Variants in CSMD1 observed in about 807,000 individuals in gnomAD.
CSMD1 encodes CUB and Sushi multiple domains 1.
A neutral mutation model predicts 417.5 loss-of-function variants in CSMD1; 213 were observed. That is an observed-to-expected ratio of 0.51 (90% CI 0.46 to 0.57). The LOEUF is 0.57. Among genes scored for constraint, CSMD1 ranks in the 20% least tolerant of loss-of-function variants. The pLI, the probability that CSMD1 is intolerant of heterozygous loss-of-function variation, is 0.00. For synonymous variants in CSMD1, 2,862 were observed against 1,736.8 expected, an observed-to-expected ratio of 1.65 and a Z score of -16.11; for missense variants, 6,923 against 4,529.7, an observed-to-expected ratio of 1.53 and a Z score of -15.17.
intron 3 of CSMD1, among the ~76,000 whole-genome samples, chr8:4,407,939 A>T (rs1034482062): frequency 6.6e-6 from 1 of 152,164 alleles, no homozygotes; most frequent in African/African-American, 2.4e-5. Flanking sequence ...TTATTCCTGC[A>T]CAAAATCTCC....
chr8:4,137,317 A>G (rs6998216), intron 3 of CSMD1, among the ~76,000 whole-genome samples: 4,016 of 152,308 alleles, frequency 0.026, 183 homozygotes, highest in African/African-American at 0.09. Flanking sequence ...AGTGGCACTC[A>G]GGCTAACCTT....
At chr8:4,386,012 CT>C (rs143575697) in intron 3 of CSMD1, among the ~76,000 whole-genome samples, 2 of 152,136 alleles carry the variant, frequency 1.3e-5, no homozygotes, top group South Asian at 4.2e-4. Context: ...TTAACTTTCC[CT>C]TTTTTTATCA....
At chr8:4,124,878 G>T (rs1036431437) in intron 3 of CSMD1, among the ~76,000 whole-genome samples, 1 of 152,100 alleles carries the variant, frequency 6.6e-6, no homozygotes, top group Admixed American at 6.5e-5. Context: ...ACAGAAAAAG[G>T]AAAAGCGGAG....
At chr8:4,578,370 G>A (rs1194390124) in intron 2 of CSMD1, among the ~76,000 whole-genome samples, 1 of 99,664 alleles carries the variant, frequency 1.0e-5, no homozygotes, top group Non-Finnish European at 1.9e-5. Context: ...TAGGACAGAC[G>A]GGGTTTCACC....
intron 3 of CSMD1, among the ~76,000 whole-genome samples, chr8:4,032,304 A>G (rs1014112140): frequency 1.3e-5 from 2 of 152,228 alleles, no homozygotes; most frequent in East Asian, 3.8e-4. Flanking sequence ...TATAAACATC[A>G]TAAAGTGTAA....
At chr8:4,297,642 C>G (rs1585182156) in intron 3 of CSMD1, among the ~76,000 whole-genome samples, 1 of 152,090 alleles carries the variant, frequency 6.6e-6, no homozygotes, top group Non-Finnish European at 1.5e-5. Context: ...TTCAAAAGTT[C>G]ACACTAGGGT....
At chr8:3,361,304 C>T (rs940748644) in intron 20 of CSMD1, among the ~76,000 whole-genome samples, 1 of 151,978 alleles carries the variant, frequency 6.6e-6, no homozygotes, top group East Asian at 1.9e-4. Flanking sequence ...GCACTCAATT[C>T]AAGCCATACA....
At chr8:4,312,960 A>C (rs1798713738) in intron 3 of CSMD1, among the ~76,000 whole-genome samples, 2 of 152,184 alleles carry the variant, frequency 1.3e-5, no homozygotes, top group African/African-American at 4.8e-5. Flanking sequence ...AAGAGCCCAT[A>C]ATTTGACCTG....
chr8:4,176,287 C>T (rs899240096), intron 3 of CSMD1, among the ~76,000 whole-genome samples: 1 of 152,054 alleles, frequency 6.6e-6, no homozygotes, highest in Non-Finnish European at 1.5e-5. Context: ...GAACAAAATT[C>T]TATAGCAAGT....
chr8:3,463,669 C>T (rs1816642315), intron 12 of CSMD1, among the ~76,000 whole-genome samples: 2 of 152,206 alleles, frequency 1.3e-5, no homozygotes. Context: ...CACTTGGACG[C>T]TGTTCAATGT....
intron 3 of CSMD1, among the ~76,000 whole-genome samples, chr8:4,252,519 A>T (rs528414860): frequency 2.0e-4 from 30 of 152,326 alleles, no homozygotes; most frequent in Admixed American, 1.2e-3. Flanking sequence ...CTGTTTCCTC[A>T]AACACCATAA....
intron 1 of CSMD1, among the ~76,000 whole-genome samples, chr8:4,847,657 G>T (rs910421825): frequency 6.6e-6 from 1 of 151,748 alleles, no homozygotes; most frequent in Non-Finnish European, 1.5e-5. Flanking sequence ...TTTAGACATG[G>T]TTTCTCCTTA....
intron 3 of CSMD1, among the ~76,000 whole-genome samples, chr8:4,121,172 T>C (rs1449679760): frequency 2.0e-5 from 3 of 152,212 alleles, no homozygotes; most frequent in Admixed American, 2.0e-4. Context: ...TGGAGTGCAA[T>C]GGCACGATCT....
chr8:4,091,344 A>G lies in CSMD1; in HGVS notation c.416-59245T>C, dbSNP rs181811295. ...TTGTTGTAGTTAGAATGATTCCATC[A>G]TTGAATTTGAAATGTCCATGGAAGA... On this transcript the variant is annotated intron_variant, in intron 3 of 69. Coordinates refer to ENST00000635120, the MANE Select transcript of CSMD1 (RefSeq NM_033225.6). Among the ~76,000 whole-genome samples the G allele has an allele frequency of 2.2e-3, 332 of 152,368 alleles. 8 individuals are homozygous for G. The highest frequency in any genetic ancestry group is 3.7e-4 in the Non-Finnish European group (25 of 68,032).
intron 8 of CSMD1, among the ~76,000 whole-genome samples, chr8:3,590,813 C>T (rs568870273): frequency 6.6e-6 from 1 of 152,102 alleles, no homozygotes; most frequent in Non-Finnish European, 1.5e-5. Flanking sequence ...CTAAATAAGA[C>T]CCCAATTCTA....
chr8:3,047,045 T>C (rs1811495289), intron 50 of CSMD1, among the ~76,000 whole-genome samples: 1 of 151,780 alleles, frequency 6.6e-6, no homozygotes, highest in African/African-American at 2.4e-5. Context: ...CTGTCTCTTC[T>C]AAAAATACAA....
intron 2 of CSMD1, among the ~76,000 whole-genome samples, chr8:4,457,365 G>A (rs1362045004): frequency 1.3e-5 from 2 of 152,104 alleles, no homozygotes; most frequent in African/African-American, 4.8e-5. Flanking sequence ...AGGAAGAAGT[G>A]ATTGGGGCTT....
intron 44 of CSMD1, 128 bp downstream of exon 44, chr8:3,108,475 T>G (rs1816290900): frequency 2.3e-6 from 2 of 883,390 alleles, no homozygotes; most frequent in Non-Finnish European, 3.4e-6. Context: ...TGGCCTCCAG[T>G]GCAAAAGAAT....
At chr8:4,830,051 T>C (rs1339493788) in intron 1 of CSMD1, among the ~76,000 whole-genome samples, 3 of 152,200 alleles carry the variant, frequency 2.0e-5, no homozygotes, top group South Asian at 2.1e-4. Context: ...CAAGGACTTA[T>C]ACCTGTGCAC....
Sources: allele counts gnomAD v4.1 joint callset (sites outside exome capture counted in the v4.1 genomes callset), GRCh38; gene constraint gnomAD v4.1.1; transcripts MANE v1.5; gene names NCBI Gene and HGNC (gene_info 2026-07-23, HGNC 2026-07-21).